KHDRBS2: variants seen among roughly 807,000 people sequenced by gnomAD.
KHDRBS2 encodes KH RNA binding domain containing, signal transduction associated 2, also known as KH domain-containing, RNA-binding, signal transduction-associated protein 2.
A neutral mutation model predicts 44.3 loss-of-function variants in KHDRBS2; 26 were observed. The observed-to-expected ratio is 0.59, with a 90% CI of 0.43 to 0.81. The LOEUF (loss-of-function observed/expected upper bound fraction) is 0.81. KHDRBS2 is among the 40% of genes least tolerant of loss of function. KHDRBS2 has a pLI of 0.00. For missense variants in KHDRBS2, 476 were observed against 433.1 expected, an observed-to-expected ratio of 1.10 and a Z score of -0.88; for synonymous variants, 194 against 151.1, an observed-to-expected ratio of 1.28 and a Z score of -2.08.
At chr6:61,628,437 T>C in the KHDRBS2 span, among the ~76,000 whole-genome samples, 1 of 152,264 alleles carries the variant, frequency 6.6e-6, no homozygotes, top group East Asian at 1.9e-4. Context: ...GTCTCCCTGT[T>C]GTCCAAACTC....
intron 4 of KHDRBS2, among the ~76,000 whole-genome samples, chr6:61,951,883 A>G (rs1764824050): frequency 6.7e-6 from 1 of 148,798 alleles, no homozygotes; most frequent in Admixed American, 6.8e-5. Context: ...AGGACACATT[A>G]GAGAGGTTCT....
At chr6:61,857,781 T>C (rs555745480) in intron 6 of KHDRBS2, among the ~76,000 whole-genome samples, 33 of 151,916 alleles carry the variant, frequency 2.2e-4, no homozygotes, top group Non-Finnish European at 3.5e-4. Context: ...CAACTCCTGC[T>C]CTCTGCAACA....
At chr6:62,001,318 A>G (rs1778198056) in intron 3 of KHDRBS2, among the ~76,000 whole-genome samples, 1 of 152,138 alleles carries the variant, frequency 6.6e-6, no homozygotes, top group South Asian at 2.1e-4. Flanking sequence ...TTATCTATGA[A>G]TAGAATATTA....
At chr6:61,615,652 G>T in the KHDRBS2 span, among the ~76,000 whole-genome samples, 4 of 152,046 alleles carry the variant, frequency 2.6e-5, no homozygotes, top group Non-Finnish European at 5.9e-5. Flanking sequence ...AAAGTGTTCC[G>T]AATTTGAAAC....
chr6:61,869,964 G>GGTTTTTTTTTTTTTTTTTTT (rs1798386615), intron 6 of KHDRBS2, among the ~76,000 whole-genome samples: 1 of 108,980 alleles, frequency 9.2e-6, no homozygotes, highest in African/African-American at 3.8e-5. Context: ...CTGCAGGAGT[G>GGTTTTTTTTTTTTTTTTTTT]TTTTTTTTTT....
the KHDRBS2 span, among the ~76,000 whole-genome samples, chr6:61,651,869 G>A: frequency 6.6e-6 from 1 of 152,200 alleles, no homozygotes; most frequent in Non-Finnish European, 1.5e-5. Flanking sequence ...AGTAGATATA[G>A]GAATGCCCAA....
At position 62,285,873 on chromosome 6, in the gene KHDRBS2, G is replaced by T. The variant is rs1225643314; in HGVS notation, c.76C>A (p.Arg26Ser). Residue 26 changes from arginine to serine, a missense_variant, in exon 1 of 9, where the codon CGC (arginine) becomes AGC (serine). Physicochemically the swap from Arg to Ser is moderately radical, Grantham distance 110. Transcript: ENST00000281156. ...CAAGTCCTACCTTCTGCCAAAAGGC[G>T]CGACGCATGCACAAAAGATGGATCC... ...SLDPSFVHAS[R>S]LLAEEIEKFQ... 1.2e-6 allele frequency: 2 copies of T among 1,612,630 alleles called. No homozygotes were observed. The highest frequency in any genetic ancestry group is 1.7e-5 in the Admixed American group (1 of 59,874).
chr6:61,930,584 T>C (rs1359584096), intron 4 of KHDRBS2, among the ~76,000 whole-genome samples: 2 of 122,916 alleles, frequency 1.6e-5, no homozygotes, highest in African/African-American at 3.3e-5. Context: ...TCTAGTCTAG[T>C]TACTCGGGAG....
chr6:61,669,629 A>G, the KHDRBS2 span, among the ~76,000 whole-genome samples: 2 of 151,032 alleles, frequency 1.3e-5, no homozygotes, highest in Non-Finnish European at 3.0e-5. Context: ...TGTTAGCCCA[A>G]GAAAAAATAA....
At chr6:62,285,328 C>T (rs1842333337) in intron 1 of KHDRBS2, among the ~76,000 whole-genome samples, 1 of 152,216 alleles carries the variant, frequency 6.6e-6, no homozygotes, top group Non-Finnish European at 1.5e-5. Flanking sequence ...TTAGCCTTTA[C>T]TTACCACATT....
intron 6 of KHDRBS2, among the ~76,000 whole-genome samples, chr6:61,848,053 C>T (rs968453299): frequency 8.6e-5 from 13 of 151,946 alleles, no homozygotes; most frequent in Admixed American, 3.9e-4. Context: ...ATAATCACTA[C>T]CTCTGGCCAA....
At chr6:62,159,623 C>T (rs1377900129) in intron 2 of KHDRBS2, among the ~76,000 whole-genome samples, 1 of 152,114 alleles carries the variant, frequency 6.6e-6, no homozygotes, top group Non-Finnish European at 1.5e-5. Flanking sequence ...TGAAAATCCA[C>T]ATATAACTTT....
the KHDRBS2 span, among the ~76,000 whole-genome samples, chr6:61,559,214 G>T: frequency 1.3e-5 from 2 of 151,958 alleles, no homozygotes; most frequent in African/African-American, 4.8e-5. Context: ...AATCTATTTT[G>T]CCTGATATAA....
chr6:62,120,809 G>A (rs1321770010), intron 2 of KHDRBS2, among the ~76,000 whole-genome samples: 2 of 152,084 alleles, frequency 1.3e-5, no homozygotes, highest in Admixed American at 1.3e-4. Context: ...CTTGAATAAA[G>A]GGGAGGCCAG....
At chr6:61,603,329 C>A in the KHDRBS2 span, among the ~76,000 whole-genome samples, 1,493 of 152,254 alleles carry the variant, frequency 9.8e-3, 10 homozygotes, top group Middle Eastern at 0.037. Context: ...CTCCACAACC[C>A]ATTATTCTGT....
At chr6:61,595,117 T>C in the KHDRBS2 span, among the ~76,000 whole-genome samples, 1 of 152,294 alleles carries the variant, frequency 6.6e-6, no homozygotes, top group Non-Finnish European at 1.5e-5. Context: ...TTTAATACTA[T>C]ATAAAATTCT....
chr6:61,571,931 C>G, the KHDRBS2 span, among the ~76,000 whole-genome samples: 3 of 151,906 alleles, frequency 2.0e-5, no homozygotes, highest in Admixed American at 1.3e-4. Context: ...AAAAAGAAAC[C>G]AAACCCAAAT....
intron 1 of KHDRBS2, among the ~76,000 whole-genome samples, chr6:62,192,251 T>C (rs1824783400): frequency 6.6e-6 from 1 of 152,086 alleles, no homozygotes; most frequent in South Asian, 2.1e-4. Context: ...TATTTCTGAT[T>C]TTCTCACATT....
At chr6:62,119,969 T>C (rs1426194153) in intron 2 of KHDRBS2, among the ~76,000 whole-genome samples, 1 of 152,132 alleles carries the variant, frequency 6.6e-6, no homozygotes, top group Non-Finnish European at 1.5e-5. Context: ...CCAAAAGAAC[T>C]GCTTGAGTTT....
Sources: gnomAD v4.1 joint callset for allele counts (sites outside exome capture counted in the v4.1 genomes callset) on GRCh38, gnomAD v4.1.1 for gene constraint, MANE v1.5 for transcripts, NCBI Gene and HGNC (gene_info 2026-07-23, HGNC 2026-07-21) for gene names.